DIAPH1: variants seen among roughly 807,000 people sequenced by gnomAD.
The protein encoded by DIAPH1 is protein diaphanous homolog 1.
In DIAPH1, 46 loss-of-function variants were observed where a neutral mutation model predicts 140.7. The ratio of observed to expected loss-of-function variants is 0.33; its 90% CI spans 0.26 to 0.42. The LOEUF (loss-of-function observed/expected upper bound fraction) is 0.42. Among genes scored for constraint, DIAPH1 ranks in the 10% least tolerant of loss-of-function variants. The probability of loss-of-function intolerance (pLI) is 1.00; values close to 1 mark genes in which losing one functional copy is unlikely to be tolerated. For missense variants in DIAPH1, 1,310 were observed against 1,558.7 expected, an observed-to-expected ratio of 0.84 and a Z score of 2.69; for synonymous variants, 565 against 551.6, an observed-to-expected ratio of 1.02 and a Z score of -0.34.
intron 18 of DIAPH1, chr5:141,564,664 G>A (rs1423444427): frequency 2.0e-5 from 3 of 152,304 alleles, no homozygotes; most frequent in African/African-American, 7.2e-5. Context: ...GTAAGAGAAT[G>A]AAACTCAGAC....
intron 18 of DIAPH1, among the ~76,000 whole-genome samples, chr5:141,552,801 C>T (rs775094037): frequency 2.6e-5 from 4 of 152,110 alleles, no homozygotes; most frequent in African/African-American, 9.7e-5. Context: ...AAAGACCACA[C>T]GAGGACACAG....
chr5:141,611,604 A>C (rs1455707295), intron 1 of DIAPH1, among the ~76,000 whole-genome samples: 1 of 152,212 alleles, frequency 6.6e-6, no homozygotes, highest in Non-Finnish European at 1.5e-5. Context: ...AGACAAAAGA[A>C]AGACAAAAGA....
intron 19 of DIAPH1, among the ~76,000 whole-genome samples, chr5:141,531,996 C>G (rs913281590): frequency 6.6e-6 from 1 of 152,110 alleles, no homozygotes; most frequent in African/African-American, 2.4e-5. Flanking sequence ...CTCAAAATCA[C>G]TGCCAAAGCA....
chr5:141,544,483 T>G (rs1319199287), intron 18 of DIAPH1, among the ~76,000 whole-genome samples: 1 of 152,046 alleles, frequency 6.6e-6, no homozygotes, highest in East Asian at 1.9e-4. Context: ...GATAAAGAAC[T>G]AGTATACCCA....
Position 141,526,135 on chromosome 5 carries a change from T to G in DIAPH1, c.3477A>C (p.Glu1159Asp). 1.2e-6 allele frequency: 2 copies of G among 1,614,136 alleles called. No homozygotes were observed. The highest frequency in any genetic ancestry group is 1.7e-6 in the Non-Finnish European group (2 of 1,180,034). ...CTAGTTTTGCTCGCCTCATCTTTTC[T>G]TCTGTCTCCCGCCGCTTCTGGTTCT... Reference protein sequence around the residue: ...VKENQKRRETEEKMRRAKLAK... With the variant: ...VKENQKRRETDEKMRRAKLAK... The change falls in exon 26 of 28, where the codon GAA becomes GAC. Residue 1159 changes from glutamate to aspartate, a missense_variant. Glu to Asp is a conservative substitution (Grantham distance 45). This residue lies in a region of DIAPH1 where 344 missense variants were observed against 512.2 expected (regional missense o/e 0.67). Coordinates refer to ENST00000389054, the MANE Select transcript of DIAPH1 (RefSeq NM_005219.5).
chr5:141,575,604 G>A (rs776315053), intron 14 of DIAPH1, among the ~76,000 whole-genome samples: 1 of 151,650 alleles, frequency 6.6e-6, no homozygotes, highest in Admixed American at 6.6e-5. Context: ...AGCCGAGATC[G>A]CGCCACTGCA....
chr5:141,549,992 A>G (rs1325280738), intron 18 of DIAPH1, among the ~76,000 whole-genome samples: 1 of 152,196 alleles, frequency 6.6e-6, no homozygotes, highest in African/African-American at 2.4e-5. Flanking sequence ...AGAAACATCT[A>G]GAGCAAGGAT....
At chr5:141,580,988 A>C in intron 7 of DIAPH1, 105 bp from the exon 8 acceptor site, 1 of 1,388,550 alleles carries the variant, frequency 7.2e-7, no homozygotes, top group South Asian at 1.2e-5. Context: ...CTTAAATTCC[A>C]GTGTTGAAGT....
At chr5:141,544,363 A>G (rs2099890463) in intron 18 of DIAPH1, among the ~76,000 whole-genome samples, 1 of 152,094 alleles carries the variant, frequency 6.6e-6, no homozygotes, top group Non-Finnish European at 1.5e-5. Context: ...CATAAAAAGA[A>G]AAATTGATGA....
rs2099894270 is a variant in DIAPH1 at position 141,565,742 on chromosome 5, A to G, written c.2482+5686T>C. Among the ~76,000 whole-genome samples the G allele has an allele frequency of 6.6e-6, 1 of 152,226 alleles. No individual in the cohort carries two copies. ...ATTCAATGAATTTGTAATGCTTCAA[A>G]TATGAGTGCCTGGCAGTATCAAGGG... On this transcript the variant is annotated intron_variant, in intron 18 of 27. Transcript: ENST00000389054. The surrounding 1 kb of genome is among the most constrained non-coding windows in gnomAD (Gnocchi z 4.3).
intron 1 of DIAPH1, among the ~76,000 whole-genome samples, chr5:141,601,689 C>A (rs977870173): frequency 6.6e-6 from 1 of 152,124 alleles, no homozygotes; most frequent in Non-Finnish European, 1.5e-5. Flanking sequence ...ACTGATGTGG[C>A]CCACATTTTA....
At chr5:141,588,729 T>C (rs2099897922) in intron 1 of DIAPH1, among the ~76,000 whole-genome samples, 1 of 152,150 alleles carries the variant, frequency 6.6e-6, no homozygotes, top group Non-Finnish European at 1.5e-5. Context: ...CCAGTAAAGT[T>C]AAAATATGCA....
intron 21 of DIAPH1, 79 bp from the exon 22 acceptor site, chr5:141,529,020 G>T: frequency 6.3e-7 from 1 of 1,589,660 alleles, no homozygotes. Flanking sequence ...AGCCTCCTAT[G>T]GGAGGATCAC....
At chr5:141,580,919 G>C in intron 7 of DIAPH1, 36 bp from the exon 8 acceptor site, 1 of 1,614,040 alleles carries the variant, frequency 6.2e-7, no homozygotes, top group South Asian at 1.1e-5. Flanking sequence ...GAGGCTGAAA[G>C]ACGAAAGCAT....
intron 1 of DIAPH1, among the ~76,000 whole-genome samples, chr5:141,597,903 A>G (rs566727651): frequency 9.2e-4 from 140 of 152,218 alleles, no homozygotes; most frequent in Non-Finnish European, 1.5e-3. Flanking sequence ...GAGGTTGCAT[A>G]TGGTAAGCTC....
intron 1 of DIAPH1, among the ~76,000 whole-genome samples, chr5:141,595,566 T>C (rs910099376): frequency 6.6e-6 from 1 of 152,184 alleles, no homozygotes; most frequent in Non-Finnish European, 1.5e-5. Context: ...TGAAATCTTA[T>C]GGTTTTGTAA....
At chr5:141,556,957 A>G (rs887322091) in intron 18 of DIAPH1, among the ~76,000 whole-genome samples, 2 of 152,200 alleles carry the variant, frequency 1.3e-5, no homozygotes, top group Non-Finnish European at 2.9e-5. Context: ...GGCCTCCCAA[A>G]GTGCTGGGAT....
chr5:141,516,723 G>C lies in DIAPH1; in HGVS notation c.*128C>G, dbSNP rs554541659. 6.9e-6 allele frequency: 7 copies of C among 1,014,042 alleles called. No homozygotes were observed. The Admixed American group carries it at 1.4e-4, about 20-fold the overall frequency. 62.8% of individuals were successfully genotyped at this position (1,014,042 alleles called of 1,614,324 possible). On this transcript the variant is annotated 3_prime_UTR_variant, in exon 28 of 28. Coordinates refer to ENST00000389054, the MANE Select transcript of DIAPH1 (RefSeq NM_005219.5). Reference sequence around the variant, plus strand: ...TGTTGAGAGAGCAGCAGGCCAGAGAGAAAGACAGGGTCAGGGTGGTGGGAG... The same window carrying C: ...TGTTGAGAGAGCAGCAGGCCAGAGACAAAGACAGGGTCAGGGTGGTGGGAG...
intron 18 of DIAPH1, among the ~76,000 whole-genome samples, chr5:141,538,550 AGCGTCCC>A (rs1395365016): frequency 6.6e-6 from 1 of 152,116 alleles, no homozygotes; most frequent in Non-Finnish European, 1.5e-5. Context: ...CTCCTGCCTC[AGCGTCCC>A]GAGTAACTGG....
Sources: allele counts gnomAD v4.1 joint callset (sites outside exome capture counted in the v4.1 genomes callset), GRCh38; gene constraint gnomAD v4.1.1; regional missense constraint gnomAD v4.1.1; non-coding constraint Gnocchi (gnomAD v3.1); transcripts MANE v1.5; gene names NCBI Gene and HGNC (gene_info 2026-07-23, HGNC 2026-07-21).